CNTN6: variants seen among roughly 807,000 people sequenced by gnomAD.
The protein encoded by CNTN6 is contactin-6.
In CNTN6, 137 loss-of-function variants were observed where a neutral mutation model predicts 122.8. The ratio of observed to expected loss-of-function variants is 1.12; its 90% CI spans 0.97 to 1.29. The LOEUF is 1.29. Ranked by LOEUF, CNTN6 falls within the 50% of genes most tolerant of loss-of-function variation. The pLI is 0.00. For missense variants in CNTN6, 1,634 were observed against 1,223.4 expected (o/e 1.34, Z -5.01); for synonymous variants, 570 against 426.0 (o/e 1.34, Z -4.16).
rs2094307141 is a variant in CNTN6 at position 1,228,004 on chromosome 3, G to C, written c.358+11G>C. The C allele has an allele frequency of 1.2e-6, 2 of 1,607,188 alleles. No homozygotes were observed. Among genetic ancestry groups the C allele is most frequent in the Non-Finnish European group, 1.7e-6 (2 of 1,176,244 alleles). On this transcript the variant is annotated intron_variant, in intron 4 of 22. Coordinates refer to ENST00000446702, the MANE Select transcript of CNTN6 (RefSeq NM_001289080.2). ...AGCTCCAATTTGCATGTGAGTTTGGGGTAAATTTTGTAATCTTTGTCTCTG... is the reference window on the plus strand; with the variant it reads ...AGCTCCAATTTGCATGTGAGTTTGGCGTAAATTTTGTAATCTTTGTCTCTG...
chr3:1,283,829 G>A (rs931965302), intron 5 of CNTN6, among the ~76,000 whole-genome samples: 2 of 151,962 alleles, frequency 1.3e-5, no homozygotes, highest in African/African-American at 2.4e-5. Flanking sequence ...GTGAAACCCC[G>A]TCTGTCCTAA....
intron 1 of CNTN6, among the ~76,000 whole-genome samples, chr3:1,134,395 C>CCA (rs2092419148): frequency 1.3e-5 from 2 of 152,136 alleles, no homozygotes; most frequent in Non-Finnish European, 2.9e-5. Context: ...TAGTCTCCTA[C>CCA]AGTGTGCTCT....
rs1217220571 is a variant in CNTN6 at position 1,245,197 on chromosome 3, GATATATATATATAT to G, written c.358+17230_358+17243del. Among the ~76,000 whole-genome samples the G allele has an allele frequency of 5.0e-3, 102 of 20,202 alleles. 37 individuals carry two copies. The highest frequency in any genetic ancestry group is 0.012 in the South Asian group (5 of 404). The allele number at this position is 20,202 out of a possible 152,430, so 13.3% of individuals were successfully genotyped here. ...TCAACAAGTAGGGTAAAGAAAATGT[GATATATATATATAT>G]ATATATATATATATATATATATATA... is the stretch of plus-strand genomic sequence containing the variant. On this transcript the variant is annotated intron_variant, in intron 4 of 22. Coordinates refer to ENST00000446702, the MANE Select transcript of CNTN6 (RefSeq NM_001289080.2).
intron 6 of CNTN6, among the ~76,000 whole-genome samples, chr3:1,297,233 G>C (rs1352126659): frequency 6.6e-6 from 1 of 151,962 alleles, no homozygotes; most frequent in Non-Finnish European, 1.5e-5. Flanking sequence ...GTATTACTCT[G>C]TCGTTTGGTA....
intron 1 of CNTN6, among the ~76,000 whole-genome samples, chr3:1,141,206 A>T (rs1413768147): frequency 6.6e-6 from 1 of 152,222 alleles, no homozygotes; most frequent in Non-Finnish European, 1.5e-5. Flanking sequence ...GAACAAAGTG[A>T]ATTTGAGATT....
intron 4 of CNTN6, among the ~76,000 whole-genome samples, chr3:1,240,824 T>C (rs1452434503): frequency 1.3e-5 from 2 of 152,102 alleles, no homozygotes; most frequent in African/African-American, 2.4e-5. Flanking sequence ...AATAAACCCA[T>C]GCACCTTCAC....
At chr3:1,244,104 C>T (rs543588867) in intron 4 of CNTN6, among the ~76,000 whole-genome samples, 8 of 152,166 alleles carry the variant, frequency 5.3e-5, no homozygotes, top group African/African-American at 1.9e-4. Flanking sequence ...CCATTTAGAG[C>T]CATTGTCAAG....
At chr3:1,371,041 C>G (rs1708944602) in intron 12 of CNTN6, among the ~76,000 whole-genome samples, 4 of 151,946 alleles carry the variant, frequency 2.6e-5, no homozygotes, top group African/African-American at 9.7e-5. Flanking sequence ...CTTAAAACCC[C>G]AAATTATTAC....
At chr3:1,336,542 A>G (rs1703091397) in intron 11 of CNTN6, among the ~76,000 whole-genome samples, 2 of 152,144 alleles carry the variant, frequency 1.3e-5, no homozygotes, top group African/African-American at 4.8e-5. Context: ...CTGGAAACCA[A>G]TTCCGTTACC....
At chr3:1,339,773 A>C (rs1015253576) in intron 11 of CNTN6, among the ~76,000 whole-genome samples, 3 of 152,178 alleles carry the variant, frequency 2.0e-5, no homozygotes, top group Non-Finnish European at 4.4e-5. Context: ...TCTAAATGCA[A>C]GTAAAGGGTA....
At chr3:1,096,230 T>A (rs904619202) in intron 1 of CNTN6, among the ~76,000 whole-genome samples, 2 of 152,106 alleles carry the variant, frequency 1.3e-5, no homozygotes, top group African/African-American at 2.4e-5. Flanking sequence ...TTTTTTCTGA[T>A]AAATGCCTAC....
chr3:1,240,469 T>C (rs544988320), intron 4 of CNTN6, among the ~76,000 whole-genome samples: 1 of 152,082 alleles, frequency 6.6e-6, no homozygotes, highest in East Asian at 1.9e-4. Context: ...AAAACCACAA[T>C]GCAATACGAC....
chr3:1,295,651 G>A lies in CNTN6; in HGVS notation c.505G>A (p.Asp169Asn). The change falls in exon 6 of 23, where the codon GAC becomes AAC. Residue 169 changes from aspartate (D) to asparagine (N), a missense_variant. Transcript: ENST00000446702. ...TGATAACCCCTTATACGTCCAAGAG[G>A]ACAATAGGCGATTTGTATCTCAAGA... is the stretch of plus-strand genomic sequence containing the variant. ...FNDNPLYVQE[D>N]NRRFVSQETG... 1 of 1,613,944 alleles carries A rather than the reference G, an allele frequency of 6.2e-7. No homozygotes were observed. The highest frequency in any genetic ancestry group is 1.1e-5 in the South Asian group (1 of 91,082).
intron 5 of CNTN6, among the ~76,000 whole-genome samples, chr3:1,279,792 A>G (rs1693046692): frequency 6.6e-6 from 1 of 152,216 alleles, no homozygotes; most frequent in Non-Finnish European, 1.5e-5. Flanking sequence ...TTTTTCCATT[A>G]TTATTTTTAC....
intron 2 of CNTN6, among the ~76,000 whole-genome samples, chr3:1,217,958 C>G (rs910992734): frequency 2.6e-5 from 4 of 152,324 alleles, no homozygotes; most frequent in Admixed American, 2.6e-4. Context: ...CTTCCTCATC[C>G]TCTTCCCCTT....
At chr3:1,150,288 A>G (rs2092811762) in intron 2 of CNTN6, among the ~76,000 whole-genome samples, 1 of 152,188 alleles carries the variant, frequency 6.6e-6, no homozygotes, top group Non-Finnish European at 1.5e-5. Context: ...GTTTTTCCAA[A>G]ACATACTTTT....
intron 9 of CNTN6, 79 bp from the exon 10 acceptor site, chr3:1,327,378 T>G (rs556324040): frequency 1.4e-6 from 2 of 1,387,018 alleles, no homozygotes; most frequent in African/African-American, 2.9e-5. Context: ...TATACACAAA[T>G]GTTGTTTAAT....
At chr3:1,172,615 ACT>A (rs148092428) in intron 2 of CNTN6, among the ~76,000 whole-genome samples, 10 of 76,770 alleles carry the variant, frequency 1.3e-4, no homozygotes, top group African/African-American at 1.8e-4. Flanking sequence ...GTCTGCAATA[ACT>A]CTCTGTGTGT....
chr3:1,298,666 A>C (rs1250091580), intron 7 of CNTN6, among the ~76,000 whole-genome samples: 1 of 152,148 alleles, frequency 6.6e-6, no homozygotes, highest in African/African-American at 2.4e-5. Flanking sequence ...GAAAAAAAGA[A>C]GGAGACAGAT....
Sources: allele counts gnomAD v4.1 joint callset (sites outside exome capture counted in the v4.1 genomes callset), GRCh38; gene constraint gnomAD v4.1.1; transcripts MANE v1.5; gene names NCBI Gene and HGNC (gene_info 2026-07-23, HGNC 2026-07-21).